RBFOX1: variants seen among roughly 807,000 people sequenced by gnomAD.
RBFOX1 encodes the protein RNA binding fox-1 homolog 1.
Under a neutral mutation model 57.7 loss-of-function variants are expected in RBFOX1, and 8 were observed. That is an observed-to-expected ratio of 0.14 (90% CI 0.08 to 0.25). The LOEUF is 0.25. Ranked by LOEUF, RBFOX1 falls within the 10% of genes least tolerant of loss-of-function variation. The pLI, the probability that RBFOX1 is intolerant of heterozygous loss-of-function variation, is 1.00. For missense variants in RBFOX1, 611 were observed against 548.5 expected, an observed-to-expected ratio of 1.11 and a Z score of -1.14; for synonymous variants, 326 against 222.4, an observed-to-expected ratio of 1.47 and a Z score of -4.15.
chr16:6,576,077 C>T (rs1209808516), intron 2 of RBFOX1, among the ~76,000 whole-genome samples: 1 of 152,116 alleles, frequency 6.6e-6, no homozygotes, highest in Non-Finnish European at 1.5e-5. Flanking sequence ...GCTCACTGGG[C>T]ACCTTCATAC....
At chr16:5,343,094 A>G (rs1352778353) in intron 1 of RBFOX1, among the ~76,000 whole-genome samples, 2 of 152,148 alleles carry the variant, frequency 1.3e-5, no homozygotes, top group African/African-American at 4.8e-5. Context: ...TGTAAGGCTT[A>G]GGACTTTTGT....
At chr16:6,858,747 A>G (rs2058360672) in intron 3 of RBFOX1, among the ~76,000 whole-genome samples, 1 of 152,158 alleles carries the variant, frequency 6.6e-6, no homozygotes, top group African/African-American at 2.4e-5. Context: ...GTGTATACCA[A>G]AAACACATCT....
chr16:6,495,837 G>T (rs42384), intron 2 of RBFOX1, among the ~76,000 whole-genome samples: 39,623 of 152,100 alleles, frequency 0.26, 5,929 homozygotes, highest in East Asian at 0.42. Flanking sequence ...TTGAAGACGT[G>T]GAATTGTTGG....
chr16:6,359,773 G>A (rs545228538), intron 2 of RBFOX1, among the ~76,000 whole-genome samples: 4 of 152,028 alleles, frequency 2.6e-5, no homozygotes, highest in South Asian at 2.1e-4. Context: ...ATACACAGCC[G>A]ACTTACTGTG....
chr16:6,181,903 A>C (rs1298163177), intron 1 of RBFOX1, among the ~76,000 whole-genome samples: 1 of 124,828 alleles, frequency 8.0e-6, no homozygotes, highest in Admixed American at 9.3e-5. Context: ...ATCATCTTGC[A>C]ACATTTTGGC....
At chr16:6,293,504 C>G (rs2077692294) in intron 1 of RBFOX1, among the ~76,000 whole-genome samples, 1 of 152,122 alleles carries the variant, frequency 6.6e-6, no homozygotes, top group Non-Finnish European at 1.5e-5. Flanking sequence ...TGGATAAGCT[C>G]TTGGGATGCA....
At chr16:7,705,045 A>C (rs1377417826) in intron 14 of RBFOX1, among the ~76,000 whole-genome samples, 1 of 54,032 alleles carries the variant, frequency 1.9e-5, no homozygotes, top group East Asian at 7.4e-4. Flanking sequence ...CTCTGTCTCA[A>C]AAGAAAAAAA....
At chr16:7,311,185 C>G (rs529439549) in intron 4 of RBFOX1, among the ~76,000 whole-genome samples, 3 of 152,268 alleles carry the variant, frequency 2.0e-5, no homozygotes, top group African/African-American at 4.8e-5. Context: ...GGAGCTGGGA[C>G]TGGGAAACTG....
At chr16:6,859,746 A>G (rs1567596572) in intron 3 of RBFOX1, among the ~76,000 whole-genome samples, 2 of 152,198 alleles carry the variant, frequency 1.3e-5, no homozygotes, top group Admixed American at 6.5e-5. Context: ...ATCTTTGACA[A>G]TAGCAGACAT....
At chr16:5,853,027 T>G (rs1320721585) in intron 3 of RBFOX1, among the ~76,000 whole-genome samples, 2 of 152,110 alleles carry the variant, frequency 1.3e-5, no homozygotes, top group Non-Finnish European at 2.9e-5. Flanking sequence ...ACAACGCTCA[T>G]TATACTGTAA....
chr16:5,795,949 A>G (rs747390457), intron 3 of RBFOX1, among the ~76,000 whole-genome samples: 3 of 152,218 alleles, frequency 2.0e-5, no homozygotes, highest in Non-Finnish European at 2.9e-5. Flanking sequence ...AGTTGCATCA[A>G]TAGTCCCCAC....
chr16:5,304,364 C>T (rs1308925246), intron 1 of RBFOX1, among the ~76,000 whole-genome samples: 1 of 152,170 alleles, frequency 6.6e-6, no homozygotes, highest in East Asian at 1.9e-4. Context: ...TATAATCCTC[C>T]CATATTTATA....
chr16:5,651,935 C>T lies in RBFOX1; in HGVS notation c.318+52974C>T, dbSNP rs979855021. Among the ~76,000 whole-genome samples the T allele has an allele frequency of 2.0e-5, 3 of 152,114 alleles. No homozygotes were observed. In the South Asian group the frequency reaches 6.2e-4, roughly 32 times the overall value. On this transcript the variant is annotated intron_variant, in intron 3 of 19. Transcript: ENST00000641259. Reference sequence around the variant, plus strand: ...ATCGCTTGAGGTCAGGAGTTCAAGACCAGCCTGGCCAACATGGAGAAACCC... The same window carrying T: ...ATCGCTTGAGGTCAGGAGTTCAAGATCAGCCTGGCCAACATGGAGAAACCC...
intron 1 of RBFOX1, among the ~76,000 whole-genome samples, chr16:6,148,445 C>T (rs910559577): frequency 2.4e-4 from 37 of 152,316 alleles, no homozygotes; most frequent in Admixed American, 1.7e-3. Context: ...TTGTTCTGCT[C>T]CCACCTCCTG....
intron 1 of RBFOX1, among the ~76,000 whole-genome samples, chr16:6,078,282 G>A (rs1368798332): frequency 1.3e-5 from 2 of 152,294 alleles, no homozygotes; most frequent in East Asian, 3.9e-4. Flanking sequence ...TTGGTTAAGA[G>A]CAAGCCTCTA....
intron 3 of RBFOX1, among the ~76,000 whole-genome samples, chr16:5,620,685 A>T (rs2048175533): frequency 6.6e-6 from 1 of 151,756 alleles, no homozygotes; most frequent in African/African-American, 2.4e-5. Context: ...TTACTCATTT[A>T]TTTTTTTGGT....
intron 1 of RBFOX1, among the ~76,000 whole-genome samples, chr16:5,416,780 G>A (rs34363211): frequency 0.44 from 67,096 of 151,862 alleles, 16,930 homozygotes; most frequent in East Asian, 0.63. Context: ...CATGCAGATA[G>A]GAACAAAGCA....
intron 3 of RBFOX1, among the ~76,000 whole-genome samples, chr16:5,614,257 A>T (rs543555356): frequency 2.0e-5 from 3 of 152,152 alleles, no homozygotes; most frequent in African/African-American, 7.2e-5. Context: ...GAAGAAAACA[A>T]ATTTGCACAT....
intron 4 of RBFOX1, among the ~76,000 whole-genome samples, chr16:5,878,371 A>G (rs1278283561): frequency 1.3e-5 from 2 of 152,210 alleles, no homozygotes; most frequent in East Asian, 1.9e-4. Context: ...GAGAATGAGT[A>G]TTAATGTAGA....
Sources: allele counts gnomAD v4.1 joint callset (sites outside exome capture counted in the v4.1 genomes callset), GRCh38; gene constraint gnomAD v4.1.1; transcripts MANE v1.5; gene names NCBI Gene and HGNC (gene_info 2026-07-23, HGNC 2026-07-21).